HEATR5B: variants seen among roughly 807,000 people sequenced by gnomAD.
HEATR5B encodes HEAT repeat containing 5B, also known as HEAT repeat-containing protein 5B.
HEATR5B carries 156 observed loss-of-function variants against 224.1 expected under a neutral mutation model. The ratio of observed to expected loss-of-function variants is 0.70; its 90% CI spans 0.61 to 0.80. The LOEUF is 0.80. Ranked by LOEUF, HEATR5B falls within the 30% of genes least tolerant of loss-of-function variation. The pLI, the probability that HEATR5B is intolerant of heterozygous loss-of-function variation, is 0.00. For missense variants in HEATR5B, 2,323 were observed against 2,535.5 expected (o/e 0.92, Z 1.80); for synonymous variants, 1,027 against 893.0 (o/e 1.15, Z -2.68).
At chr2:36,991,896 A>T (rs1176070992) in intron 33 of HEATR5B, among the ~76,000 whole-genome samples, 1 of 152,224 alleles carries the variant, frequency 6.6e-6, no homozygotes, top group African/African-American at 2.4e-5. Context: ...AATAGTCTAG[A>T]AAAAGTCCAT....
intron 26 of HEATR5B, among the ~76,000 whole-genome samples, chr2:37,018,335 G>A (rs1668253277): frequency 6.6e-6 from 1 of 152,180 alleles, no homozygotes; most frequent in Admixed American, 6.5e-5. Flanking sequence ...TAAATGCTGT[G>A]CTCTGAAACG....
chr2:37,046,276 G>A (rs1273400328), intron 18 of HEATR5B, among the ~76,000 whole-genome samples: 1 of 152,176 alleles, frequency 6.6e-6, no homozygotes, highest in Non-Finnish European at 1.5e-5. Context: ...CAATTTGGTT[G>A]TATTTTCAAA....
chr2:37,078,216 G>C (rs1433806952), intron 3 of HEATR5B, among the ~76,000 whole-genome samples: 1 of 152,210 alleles, frequency 6.6e-6, no homozygotes, highest in Admixed American at 6.5e-5. Flanking sequence ...TTACAGATAA[G>C]AGAGGTTAAC....
At chr2:37,069,042 G>T in intron 7 of HEATR5B, 112 bp from the exon 8 acceptor site, 1 of 1,137,786 alleles carries the variant, frequency 8.8e-7, no homozygotes, top group Non-Finnish European at 1.2e-6. Flanking sequence ...AATTGTATTT[G>T]AGGCTAAAAC....
chr2:37,058,603 A>G, intron 13 of HEATR5B, 43 bp from the exon 14 acceptor site: 1 of 1,325,228 alleles, frequency 7.5e-7, no homozygotes, highest in Non-Finnish European at 1.1e-6. Context: ...TACCAGAATA[A>G]GTATTACTTA....
intron 18 of HEATR5B, among the ~76,000 whole-genome samples, chr2:37,041,808 G>T (rs1669890190): frequency 6.6e-6 from 1 of 150,822 alleles, no homozygotes; most frequent in Non-Finnish European, 1.5e-5. Context: ...ACTGAATAAA[G>T]CCTATTTTAA....
rs1224990763 is a variant in HEATR5B at position 37,006,921 on chromosome 2, T to G, written c.4777+129A>C. On this transcript the variant is annotated intron_variant, in intron 29 of 35. Transcript: ENST00000233099. ...TCAATTAACAATTTATAAGGTGAGG[T>G]GAAAAATCCTTTCACTTTTCCTTCT... 6 of 774,514 alleles carry G rather than the reference T, an allele frequency of 7.7e-6. No individual in the cohort carries two copies. In the East Asian group the frequency reaches 1.6e-4, roughly 21 times the overall value. The allele number at this position is 774,514 out of a possible 1,614,324, so 48.0% of individuals were successfully genotyped here.
At position 37,068,714 on chromosome 2, in the gene HEATR5B, A is replaced by G; in HGVS notation, c.1144T>C (p.Cys382Arg). 6.2e-7 allele frequency: 1 copy of G among 1,614,180 alleles called. No homozygotes were observed. The highest frequency in any genetic ancestry group is 8.5e-7 in the Non-Finnish European group (1 of 1,180,020). The change falls in exon 8 of 36, where the codon TGC (cysteine) becomes CGC (arginine). Residue 382 changes from cysteine (C) to arginine (R), a missense_variant. Around this residue, in one of 12 missense-constraint regions of HEATR5B, gnomAD observed 502 missense variants for 517.8 expected, o/e 0.97. Coordinates refer to ENST00000233099, the MANE Select transcript of HEATR5B (RefSeq NM_019024.3). ...TTCATTTGTTTTCCAATAGCTTGGCAGATTTCTTTGGCAGCTGCAATCTGG... is the reference window on the plus strand; with the variant it reads ...TTCATTTGTTTTCCAATAGCTTGGCGGATTTCTTTGGCAGCTGCAATCTGG... ...KAQIAAAKEI[C>R]QAIGKQMKAV...
At chr2:37,057,534 TAA>T in intron 14 of HEATR5B, 54 bp from the exon 15 acceptor site, 3 of 1,261,302 alleles carry the variant, frequency 2.4e-6, no homozygotes, top group Non-Finnish European at 3.3e-6. Context: ...GTGAAAATTA[TAA>T]TCATTGCCCA....
intron 33 of HEATR5B, among the ~76,000 whole-genome samples, chr2:36,995,746 T>C (rs1404966360): frequency 6.6e-6 from 1 of 152,234 alleles, no homozygotes; most frequent in South Asian, 2.1e-4. Context: ...GGATATATTA[T>C]CCAAATGAAT....
At chr2:37,082,285 G>A (rs747675185) in intron 2 of HEATR5B, among the ~76,000 whole-genome samples, 3 of 151,678 alleles carry the variant, frequency 2.0e-5, no homozygotes, top group Non-Finnish European at 4.4e-5. Flanking sequence ...TCACCATGTT[G>A]GCCAGGCTAG....
At chr2:37,072,957 C>T (rs1319694104) in intron 5 of HEATR5B, among the ~76,000 whole-genome samples, 3 of 152,164 alleles carry the variant, frequency 2.0e-5, no homozygotes, top group Non-Finnish European at 4.4e-5. Flanking sequence ...AAATTTGATT[C>T]TGTACTTCAA....
In HEATR5B at chr2:37,084,261, G is replaced by A. The variant is rs1672833475; in HGVS notation, c.-23+8C>T. 7 of 389,296 alleles carry A rather than the reference G, an allele frequency of 1.8e-5. No individual in the cohort carries two copies. The highest frequency in any genetic ancestry group is 3.2e-5 in the Non-Finnish European group (7 of 220,454). The allele number at this position is 389,296 out of a possible 1,614,324, so 24.1% of individuals were successfully genotyped here. ...TGCGTGTCAACATGCATGCTTCGGC[G>A]ACCTCACCTCGTAGTCTGGAAGGGA... On this transcript the variant is annotated splice_region_variant and intron_variant, in intron 1 of 35. Coordinates refer to ENST00000233099, the MANE Select transcript of HEATR5B (RefSeq NM_019024.3).
chr2:37,043,115 T>C (rs185030406), intron 18 of HEATR5B, among the ~76,000 whole-genome samples: 1 of 152,308 alleles, frequency 6.6e-6, no homozygotes, highest in African/African-American at 2.4e-5. Flanking sequence ...ACTTTCCACT[T>C]GATGTGTGCC....
At chr2:36,991,682 C>T (rs1342965815) in intron 33 of HEATR5B, among the ~76,000 whole-genome samples, 2 of 152,128 alleles carry the variant, frequency 1.3e-5, no homozygotes, top group African/African-American at 4.8e-5. Context: ...ATATAAAATA[C>T]GAGTTCCAAA....
intron 24 of HEATR5B, among the ~76,000 whole-genome samples, chr2:37,027,722 A>G (rs1246299832): frequency 3.3e-5 from 5 of 152,220 alleles, no homozygotes; most frequent in Admixed American, 3.3e-4. Context: ...CACCTTCTTC[A>G]ACTTATCTTC....
At position 37,038,918 on chromosome 2, in the gene HEATR5B, G is replaced by GGC. The variant is rs1338145814; in HGVS notation, c.3047-895_3047-894insGC. Among the ~76,000 whole-genome samples the GGC allele has an allele frequency of 3.7e-4, 54 of 144,612 alleles. 4 individuals are homozygous for GGC. Among genetic ancestry groups the GGC allele is most frequent in the African/African-American group, 1.4e-3 (53 of 38,728 alleles). 94.9% of individuals were successfully genotyped at this position (144,612 alleles called of 152,430 possible). A position where few individuals can be genotyped will look rare whatever the true frequency, so the allele number is the denominator to read the frequency against. ...CTGTCTCCCTGGGGTGGGGGGGGTGGGGAATCACATATTTTTCAATTTCTA... is the reference window on the plus strand; with the variant it reads ...CTGTCTCCCTGGGGTGGGGGGGGTGGGCGGAATCACATATTTTTCAATTTCTA... On this transcript the variant is annotated intron_variant, in intron 20 of 35. Transcript: ENST00000233099.
chr2:37,032,845 A>AAC, intron 21 of HEATR5B, 72 bp from the exon 22 acceptor site: 2 of 1,250,200 alleles, frequency 1.6e-6, no homozygotes, highest in East Asian at 2.5e-5. Flanking sequence ...TTGCCCAATG[A>AAC]ATATATATAT....
At chr2:37,041,049 C>T (rs1669839590) in intron 19 of HEATR5B, 84 bp downstream of exon 19, 3 of 1,103,710 alleles carry the variant, frequency 2.7e-6, no homozygotes, top group Admixed American at 2.1e-5. Context: ...AACAACTTAC[C>T]ACGGTCATTT....
Sources: gnomAD v4.1 joint callset for allele counts (sites outside exome capture counted in the v4.1 genomes callset) on GRCh38, gnomAD v4.1.1 for gene constraint, gnomAD v4.1.1 regional missense constraint, MANE v1.5 for transcripts, NCBI Gene and HGNC (gene_info 2026-07-23, HGNC 2026-07-21) for gene names.